Variants in ASTN2 observed in about 807,000 individuals in gnomAD.
ASTN2 encodes the protein astrotactin 2.
Under a neutral mutation model 139.8 loss-of-function variants are expected in ASTN2, and 54 were observed. The observed-to-expected ratio is 0.39, with a 90% confidence interval of 0.31 to 0.48. The LOEUF is 0.48. Ranked by LOEUF, ASTN2 falls within the 20% of genes least tolerant of loss-of-function variation. The pLI is 0.95. For missense variants in ASTN2, 1,565 were observed against 1,725.1 expected, an observed-to-expected ratio of 0.91 and a Z score of 1.64; for synonymous variants, 756 against 719.5, an observed-to-expected ratio of 1.05 and a Z score of -0.81.
intron 10 of ASTN2, among the ~76,000 whole-genome samples, chr9:116,894,147 A>G (rs965968643): frequency 3.3e-5 from 5 of 152,138 alleles, no homozygotes; most frequent in Non-Finnish European, 7.3e-5. Context: ...AAAAAATCCC[A>G]GACATTTACT....
chr9:117,194,524 C>T (rs190545502), intron 3 of ASTN2, among the ~76,000 whole-genome samples: 31 of 152,228 alleles, frequency 2.0e-4, no homozygotes, highest in African/African-American at 5.5e-4. Flanking sequence ...TAGAGATGTG[C>T]GCACACACAT....
At chr9:116,436,513 T>C (rs1847653895) in intron 22 of ASTN2, among the ~76,000 whole-genome samples, 1 of 152,202 alleles carries the variant, frequency 6.6e-6, no homozygotes, top group Admixed American at 6.5e-5. Context: ...TCACTAACTA[T>C]ACATAGTTTA....
At chr9:116,708,895 G>C (rs1028641677) in intron 16 of ASTN2, among the ~76,000 whole-genome samples, 5 of 152,166 alleles carry the variant, frequency 3.3e-5, no homozygotes, top group African/African-American at 1.2e-4. Flanking sequence ...TGACCCCTGA[G>C]AGTCCTTTAC....
At chr9:116,963,716 T>C (rs73655561) in intron 10 of ASTN2, among the ~76,000 whole-genome samples, 6,141 of 152,288 alleles carry the variant, frequency 0.04, 400 homozygotes, top group African/African-American at 0.13. Flanking sequence ...TCTCAGCTTA[T>C]TCTTCTCTTC....
At chr9:117,331,053 G>A (rs1828690866) in intron 1 of ASTN2, among the ~76,000 whole-genome samples, 2 of 152,170 alleles carry the variant, frequency 1.3e-5, no homozygotes, top group Admixed American at 6.6e-5. Flanking sequence ...ACACCTACTT[G>A]TGTAACCCAC....
intron 6 of ASTN2, among the ~76,000 whole-genome samples, chr9:117,010,084 G>A (rs1379023348): frequency 6.6e-6 from 1 of 152,194 alleles, no homozygotes; most frequent in East Asian, 1.9e-4. Flanking sequence ...AGGGGTCTTT[G>A]TGAAGTAGGA....
intron 10 of ASTN2, among the ~76,000 whole-genome samples, chr9:116,944,128 CA>C (rs1159179461): frequency 9.8e-4 from 149 of 152,074 alleles, no homozygotes; most frequent in Non-Finnish European, 4.4e-5. Context: ...TTATTATCTC[CA>C]TTTTACAAAA....
In ASTN2 at chr9:117,209,884, G is replaced by C. The variant is rs765869995; in HGVS notation, c.1015+4474C>G. On this transcript the variant is annotated intron_variant, in intron 3 of 22. Coordinates refer to ENST00000313400, the MANE Select transcript of ASTN2 (RefSeq NM_001365068.1). ...ATCTGACCACAGTGGAATAAAACTA[G>C]ATATCAATGACAACAGGAATATTCA... is the stretch of plus-strand genomic sequence containing the variant. 3.7e-4 allele frequency among the ~76,000 whole-genome samples: 56 copies of C among 152,022 alleles called. 1 individual carries two copies. Among genetic ancestry groups the C allele is most frequent in the Admixed American group, 2.6e-4 (4 of 15,276 alleles).
In ASTN2 at chr9:116,652,187, G is replaced by T. The variant is rs575921259; in HGVS notation, c.2807-394C>A. Among the ~76,000 whole-genome samples, 10 of 152,146 alleles carry T rather than the reference G, an allele frequency of 6.6e-5. No individual in the cohort carries two copies. The South Asian group carries it at 1.2e-3, about 19-fold the overall frequency. On this transcript the variant is annotated intron_variant, in intron 16 of 22. Coordinates refer to ENST00000313400, the MANE Select transcript of ASTN2 (RefSeq NM_001365068.1). ...AAAAATACAAAAAAATTAGCCAAGC[G>T]TGGGGTTATGTACCTATAATCCCAG...
chr9:117,179,616 T>C (rs1831006344), intron 3 of ASTN2, among the ~76,000 whole-genome samples: 1 of 152,132 alleles, frequency 6.6e-6, no homozygotes, highest in Non-Finnish European at 1.5e-5. Context: ...CTTGCCCCCA[T>C]CTCTTCTCTT....
rs57888812 is a variant in ASTN2, at chr9:117,210,981, C to CAAA, written c.1015+3374_1015+3376dup. ...AAAAAACCATATGATCATCTCAAAG[C>CAAA]AAAAAAAAAAAAAGCTTTTGAAATT... On this transcript the variant is annotated intron_variant, in intron 3 of 22. Transcript: ENST00000313400. Among the ~76,000 whole-genome samples, 435 of 136,956 alleles carry CAAA rather than the reference C, an allele frequency of 3.2e-3. 5 individuals are homozygous for CAAA. The highest frequency in any genetic ancestry group is 0.01 in the African/African-American group (379 of 36,962). The allele number at this position is 136,956 out of a possible 152,430, so 89.8% of individuals were successfully genotyped here. A position where few individuals can be genotyped will look rare whatever the true frequency, so the allele number is the denominator to read the frequency against.
intron 10 of ASTN2, among the ~76,000 whole-genome samples, chr9:116,869,907 C>A (rs1833112614): frequency 6.6e-6 from 1 of 151,258 alleles, no homozygotes; most frequent in African/African-American, 2.4e-5. Context: ...AGTTCAAGAC[C>A]AGCCTGGACA....
At chr9:116,463,910 T>C (rs950040354) in intron 20 of ASTN2, among the ~76,000 whole-genome samples, 2 of 143,910 alleles carry the variant, frequency 1.4e-5, no homozygotes, top group East Asian at 4.0e-4. Flanking sequence ...AGTTTTGTGT[T>C]TTTTTTTTTT....
chr9:117,322,419 A>G (rs1008146803), intron 1 of ASTN2, among the ~76,000 whole-genome samples: 2 of 152,186 alleles, frequency 1.3e-5, no homozygotes, highest in African/African-American at 4.8e-5. Flanking sequence ...GTATGTCTTT[A>G]TGTTAATGTT....
At chr9:117,136,066 T>C (rs924287100) in intron 4 of ASTN2, among the ~76,000 whole-genome samples, 3 of 152,168 alleles carry the variant, frequency 2.0e-5, no homozygotes, top group Non-Finnish European at 4.4e-5. Context: ...ACAAGGTAAA[T>C]GTATCTCTGT....
At chr9:117,283,397 C>T (rs1243683174) in intron 2 of ASTN2, among the ~76,000 whole-genome samples, 1 of 151,562 alleles carries the variant, frequency 6.6e-6, no homozygotes, top group Non-Finnish European at 1.5e-5. Context: ...AAAGTCTATA[C>T]TTACAATATT....
chr9:116,950,043 C>G (rs1835515072), intron 10 of ASTN2, among the ~76,000 whole-genome samples: 1 of 151,500 alleles, frequency 6.6e-6, no homozygotes, highest in African/African-American at 2.4e-5. Flanking sequence ...TGTTCTCTTA[C>G]AGAGGTCTAT....
At chr9:116,874,046 A>C (rs1833233687) in intron 10 of ASTN2, among the ~76,000 whole-genome samples, 1 of 152,154 alleles carries the variant, frequency 6.6e-6, no homozygotes, top group African/African-American at 2.4e-5. Context: ...TTCAATTTGA[A>C]AAGAAATGTA....
chr9:116,682,125 A>T (rs989922124), intron 16 of ASTN2, among the ~76,000 whole-genome samples: 107 of 152,246 alleles, frequency 7.0e-4, no homozygotes, highest in Non-Finnish European at 1.3e-3. Context: ...CAACCTACTT[A>T]TCTGACAAAG....
Sources: gnomAD v4.1 joint callset for allele counts (sites outside exome capture counted in the v4.1 genomes callset) on GRCh38, gnomAD v4.1.1 for gene constraint, MANE v1.5 for transcripts, NCBI Gene and HGNC (gene_info 2026-07-23, HGNC 2026-07-21) for gene names.